Variants in ABTB2 observed in about 807,000 individuals in gnomAD.
ABTB2 encodes the protein ankyrin repeat and BTB domain containing 2.
ABTB2 carries 56 observed loss-of-function variants against 104.1 expected under a neutral mutation model. The ratio of observed to expected loss-of-function variants is 0.54; its 90% CI spans 0.43 to 0.67. The LOEUF (loss-of-function observed/expected upper bound fraction) is 0.67. Among genes scored for constraint, ABTB2 ranks in the 30% least tolerant of loss-of-function variants. The probability of loss-of-function intolerance (pLI) is 0.00; values close to 1 mark genes in which losing one functional copy is unlikely to be tolerated. For missense variants in ABTB2, 1,279 were observed against 1,407.7 expected (o/e 0.91, Z 1.46); for synonymous variants, 606 against 608.2 (o/e 1.00, Z 0.05).
At chr11:34,301,986 C>CA (rs1438824605) in intron 1 of ABTB2, among the ~76,000 whole-genome samples, 1 of 151,612 alleles carries the variant, frequency 6.6e-6, no homozygotes, top group South Asian at 2.1e-4. Flanking sequence ...GACCCTGTGT[C>CA]AAAAAAAATA....
intron 3 of ABTB2, among the ~76,000 whole-genome samples, chr11:34,180,184 C>T (rs1023039711): frequency 3.9e-5 from 6 of 152,206 alleles, no homozygotes; most frequent in African/African-American, 7.2e-5. Context: ...CAAAAGTCTG[C>T]CAGCAGGCTG....
intron 1 of ABTB2, among the ~76,000 whole-genome samples, chr11:34,312,573 T>C (rs978982316): frequency 6.6e-6 from 1 of 152,214 alleles, no homozygotes; most frequent in Non-Finnish European, 1.5e-5. Context: ...AATCAAAAAG[T>C]TTATTCTCTA....
chr11:34,173,106 TG>T, intron 4 of ABTB2, 48 bp downstream of exon 4: 1 of 1,611,174 alleles, frequency 6.2e-7, no homozygotes, highest in Non-Finnish European at 8.5e-7. Context: ...GGGGAGCCGC[TG>T]GGGGCAGGTC....
intron 1 of ABTB2, among the ~76,000 whole-genome samples, chr11:34,301,623 T>G (rs1014071393): frequency 1.3e-5 from 2 of 152,226 alleles, no homozygotes; most frequent in Non-Finnish European, 2.9e-5. Context: ...CAGAGATGGA[T>G]CCACCTTTGA....
intron 1 of ABTB2, among the ~76,000 whole-genome samples, chr11:34,289,273 C>A (rs1389677980): frequency 1.3e-5 from 2 of 152,120 alleles, no homozygotes; most frequent in East Asian, 3.9e-4. Flanking sequence ...GGTAATAGAG[C>A]AGGAAAAAAC....
Position 34,150,993 on chromosome 11 carries a change from TTAATGAG to T in ABTB2, c.*1387_*1393del, listed in dbSNP as rs1852528785. On this transcript the variant is annotated 3_prime_UTR_variant, in exon 17 of 17. Coordinates refer to ENST00000435224, the MANE Select transcript of ABTB2 (RefSeq NM_145804.3). ...AGGAGCAGTGAGGCCAAGGTCATTG[TTAATGAG>T]TGTTTATTGTTAATAAAACCATAGT... The T allele has an allele frequency of 6.5e-6, 1 of 153,122 alleles. No homozygotes were observed. The highest frequency in any genetic ancestry group is 2.4e-5 in the African/African-American group (1 of 41,478). 9.5% of individuals were successfully genotyped at this position (153,122 alleles called of 1,614,324 possible).
At chr11:34,351,027 T>G (rs1272290983) in intron 1 of ABTB2, among the ~76,000 whole-genome samples, 2 of 152,136 alleles carry the variant, frequency 1.3e-5, no homozygotes, top group South Asian at 4.1e-4. Context: ...TACAGCTGCA[T>G]AAGAGTAGAA....
intron 1 of ABTB2, among the ~76,000 whole-genome samples, chr11:34,311,115 G>A (rs1200024789): frequency 6.6e-6 from 1 of 152,166 alleles, no homozygotes; most frequent in Admixed American, 6.5e-5. Flanking sequence ...CGGCTCCTCA[G>A]AGCTCTAGCT....
At chr11:34,245,999 T>A (rs1347524323) in intron 1 of ABTB2, among the ~76,000 whole-genome samples, 1 of 152,164 alleles carries the variant, frequency 6.6e-6, no homozygotes, top group African/African-American at 2.4e-5. Flanking sequence ...TATCTGTCAC[T>A]CAGGGACTGG....
chr11:34,254,713 C>A (rs1429426719), intron 1 of ABTB2, among the ~76,000 whole-genome samples: 2 of 145,454 alleles, frequency 1.4e-5, no homozygotes, highest in African/African-American at 2.6e-5. Context: ...GCTCTATCGC[C>A]CAGGCTGGAG....
chr11:34,165,694 C>T lies in ABTB2; in HGVS notation c.1756-338G>A, dbSNP rs965945095. 5.3e-5 allele frequency among the ~76,000 whole-genome samples: 8 copies of T among 152,312 alleles called. No homozygotes were observed. The East Asian group carries it at 9.6e-4, about 18-fold the overall frequency. ...GATGAGCAGCACAGAAAATGTTGCC[C>T]GCAATCTATGGTAAACCATGGCTCT... On this transcript the variant is annotated intron_variant, in intron 7 of 16. Transcript: ENST00000435224.
In ABTB2 at chr11:34,272,576, G is replaced by A. The variant is rs529452921; in HGVS notation, c.884-67886C>T. ...CAAAAAACTAGCCAGATGTGGTGGCGGGCACCTGTAGTCCCAGCTACTCGG... is the reference window on the plus strand; with the variant it reads ...CAAAAAACTAGCCAGATGTGGTGGCAGGCACCTGTAGTCCCAGCTACTCGG... On this transcript the variant is annotated intron_variant, in intron 1 of 16. Transcript: ENST00000435224. Among the ~76,000 whole-genome samples the A allele has an allele frequency of 7.3e-5, 11 of 151,422 alleles. No individual in the cohort carries two copies. In the South Asian group the frequency reaches 1.7e-3, roughly 23 times the overall value.
intron 3 of ABTB2, among the ~76,000 whole-genome samples, chr11:34,180,365 T>C (rs1436662096): frequency 1.3e-5 from 2 of 152,142 alleles, no homozygotes; most frequent in Non-Finnish European, 2.9e-5. Flanking sequence ...AGGCCTTGGG[T>C]CATGAACGTG....
chr11:34,226,243 T>G (rs1483673777), intron 1 of ABTB2, among the ~76,000 whole-genome samples: 1 of 151,274 alleles, frequency 6.6e-6, no homozygotes. Context: ...CACTACCTAT[T>G]TGAGTTTTAT....
At chr11:34,296,464 A>G (rs1295720695) in intron 1 of ABTB2, among the ~76,000 whole-genome samples, 1 of 152,218 alleles carries the variant, frequency 6.6e-6, no homozygotes, top group Non-Finnish European at 1.5e-5. Flanking sequence ...GAGATGATGC[A>G]GTTACTGGTC....
intron 1 of ABTB2, among the ~76,000 whole-genome samples, chr11:34,216,074 T>C (rs146333441): frequency 0.015 from 2,262 of 152,282 alleles, 46 homozygotes; most frequent in African/African-American, 0.05. Flanking sequence ...TCTGGGGATA[T>C]GAAAGTGAAT....
chr11:34,154,706 G>A lies in ABTB2; in HGVS notation c.2761C>T (p.Leu921=), dbSNP rs772278801. ...ESMEIPTTDI[L]ELLSAASLFQ... ...CCCCCTCTCCCGAGTCTCACCTCCA[G>A]GATGTCAGTGGTGGGGATCTCCATG... The change falls in exon 15 of 17, where the codon CTG becomes TTG. Residue 921 remains leucine (L), a synonymous_variant. Transcript: ENST00000435224. This position sits in a 1 kb window ranked among gnomAD's most constrained non-coding sequence, Gnocchi z 4.9. 4 of 1,614,172 alleles carry A rather than the reference G, an allele frequency of 2.5e-6. No homozygotes were observed. The highest frequency in any genetic ancestry group is 2.5e-6 in the Non-Finnish European group (3 of 1,179,992).
At chr11:34,322,978 C>A (rs965515938) in intron 1 of ABTB2, among the ~76,000 whole-genome samples, 1 of 152,288 alleles carries the variant, frequency 6.6e-6, no homozygotes, top group East Asian at 1.9e-4. Context: ...GGCACGATCT[C>A]GGCTCACTGC....
At chr11:34,236,821 C>T (rs1208096128) in intron 1 of ABTB2, among the ~76,000 whole-genome samples, 1 of 152,240 alleles carries the variant, frequency 6.6e-6, no homozygotes, top group Non-Finnish European at 1.5e-5. Flanking sequence ...CTGCCCTAAT[C>T]ATTCCAGACA....
Sources: allele counts gnomAD v4.1 joint callset (sites outside exome capture counted in the v4.1 genomes callset), GRCh38; gene constraint gnomAD v4.1.1; non-coding constraint Gnocchi (gnomAD v3.1); transcripts MANE v1.5; gene names NCBI Gene and HGNC (gene_info 2026-07-23, HGNC 2026-07-21).